MAP3K15: variants seen among roughly 807,000 people sequenced by gnomAD.
The protein encoded by MAP3K15 is mitogen-activated protein kinase kinase kinase 15.
Under a neutral mutation model 99.5 loss-of-function variants are expected in MAP3K15, and 124 were observed. The observed-to-expected ratio is 1.25, with a 90% CI of 1.08 to 1.45. The LOEUF (loss-of-function observed/expected upper bound fraction) is 1.45, where lower values mean the gene tolerates loss of function less well. MAP3K15 is among the 40% of genes most tolerant of loss of function. MAP3K15 has a pLI of 0.00. For synonymous variants in MAP3K15, 494 were observed against 439.6 expected, an observed-to-expected ratio of 1.12 and a Z score of -1.55; for missense variants, 1,242 against 1,079.7, an observed-to-expected ratio of 1.15 and a Z score of -2.11.
intron 9 of MAP3K15, among the ~76,000 whole-genome samples, chrX:19,419,392 G>C (rs1339666742): frequency 1.8e-5 from 2 of 109,095 alleles, no homozygotes; most frequent in African/African-American, 3.4e-5. Context: ...TGCAATCCTA[G>C]TCTCTGATAA....
At chrX:19,441,349 G>A (rs2063958491) in intron 6 of MAP3K15, among the ~76,000 whole-genome samples, 1 of 109,703 alleles carries the variant, frequency 9.1e-6, no homozygotes, top group Non-Finnish European at 1.9e-5. Context: ...GTGGGGTTAA[G>A]TGGTAATGGG....
intron 13 of MAP3K15, among the ~76,000 whole-genome samples, chrX:19,405,414 A>G (rs2063640829): frequency 8.9e-6 from 1 of 111,908 alleles, no homozygotes; most frequent in Non-Finnish European, 1.9e-5. Context: ...TCAAAGGACT[A>G]CCCAAAATAA....
chrX:19,505,657 G>A (rs1416366310), intron 1 of MAP3K15, among the ~76,000 whole-genome samples: 1 of 111,224 alleles, frequency 9.0e-6, no homozygotes, highest in Admixed American at 9.5e-5. Flanking sequence ...TCACCTATAT[G>A]GTAGTAAGGA....
chrX:19,416,463 T>C (rs974222227), intron 9 of MAP3K15, among the ~76,000 whole-genome samples: 2 of 112,129 alleles, frequency 1.8e-5, no homozygotes, highest in African/African-American at 6.5e-5. Context: ...CATTCTTCAT[T>C]GTATTTAGTG....
Position 19,515,443 on chromosome X carries a change from C to G in MAP3K15, c.-182G>C, listed in dbSNP as rs1310787396. The stretch of plus-strand genomic sequence containing the variant: ...CGGCGGGCCGAAGACGGCAGTACCC[C>G]TAGGCTGCAGCCTGACGCTCAGGCC... On this transcript the variant is annotated 5_prime_UTR_variant, in exon 1 of 29. Transcript: ENST00000338883. Among the ~76,000 whole-genome samples, 1 of 112,389 alleles carries G rather than the reference C, an allele frequency of 8.9e-6. No homozygotes were observed. Among genetic ancestry groups the G allele is most frequent in the Non-Finnish European group, 1.9e-5 (1 of 52,983 alleles).
chrX:19,492,644 C>T (rs1392790176), intron 1 of MAP3K15, among the ~76,000 whole-genome samples: 1 of 111,747 alleles, frequency 8.9e-6, no homozygotes, highest in East Asian at 2.8e-4. Context: ...AGGATTGCTT[C>T]CTGGACTCTT....
chrX:19,424,076 A>G (rs939957842), intron 9 of MAP3K15, among the ~76,000 whole-genome samples: 2 of 110,431 alleles, frequency 1.8e-5, no homozygotes, highest in African/African-American at 6.6e-5. Flanking sequence ...ACTCTACCCT[A>G]TGTACCTTTC....
intron 25 of MAP3K15, among the ~76,000 whole-genome samples, chrX:19,368,192 G>C (rs2063349157): frequency 1.8e-5 from 2 of 110,533 alleles, no homozygotes; most frequent in African/African-American, 6.6e-5. Flanking sequence ...GCCCAGGCTA[G>C]AGTGCAATGG....
At chrX:19,436,742 T>C (rs961810480) in intron 6 of MAP3K15, among the ~76,000 whole-genome samples, 21 of 111,600 alleles carry the variant, frequency 1.9e-4, no homozygotes, top group African/African-American at 6.8e-4. Context: ...GTGTGATGCA[T>C]TCTCAGCTCA....
intron 26 of MAP3K15, among the ~76,000 whole-genome samples, chrX:19,361,949 C>G (rs12857373): frequency 2.7e-5 from 3 of 112,117 alleles, no homozygotes; most frequent in Non-Finnish European, 5.6e-5. Flanking sequence ...CAGAGCTTAT[C>G]TAGTCCACAT....
intron 13 of MAP3K15, among the ~76,000 whole-genome samples, chrX:19,403,265 A>C (rs996327343): frequency 7.2e-5 from 8 of 111,026 alleles, no homozygotes; most frequent in African/African-American, 2.3e-4. Context: ...TGTATTTTTA[A>C]AAAAAGGCAC....
At chrX:19,364,189 G>A (rs1410106604) in intron 25 of MAP3K15, among the ~76,000 whole-genome samples, 2 of 111,971 alleles carry the variant, frequency 1.8e-5, no homozygotes, top group East Asian at 2.8e-4. Flanking sequence ...GTTAAGTAAC[G>A]CCCAGAGTCC....
chrX:19,486,624 G>A (rs971420009), intron 2 of MAP3K15, 119 bp from the exon 3 acceptor site: 2 of 289,710 alleles, frequency 6.9e-6, no homozygotes, highest in South Asian at 1.0e-4. Flanking sequence ...TCACATAAAA[G>A]CACCCACCTT....
intron 18 of MAP3K15, among the ~76,000 whole-genome samples, chrX:19,385,821 A>T (rs2063490690): frequency 9.0e-6 from 1 of 111,592 alleles, no homozygotes; most frequent in Non-Finnish European, 1.9e-5. Flanking sequence ...GGAAAAAAAA[A>T]GCTGCCTGAA....
chrX:19,367,351 G>A (rs890137360), intron 25 of MAP3K15, among the ~76,000 whole-genome samples: 4 of 110,466 alleles, frequency 3.6e-5, no homozygotes, highest in African/African-American at 9.9e-5. Flanking sequence ...GGAGGATCAG[G>A]AAAAGCAACT....
intron 14 of MAP3K15, among the ~76,000 whole-genome samples, chrX:19,399,128 T>C (rs778331681): frequency 3.6e-5 from 4 of 112,311 alleles, no homozygotes; most frequent in Non-Finnish European, 5.6e-5. Flanking sequence ...CTTCTAGGGA[T>C]GTTCATGACA....
chrX:19,468,908 GCTCT>G (rs1180590344), intron 3 of MAP3K15, among the ~76,000 whole-genome samples: 2 of 111,121 alleles, frequency 1.8e-5, no homozygotes, highest in African/African-American at 3.3e-5. Context: ...TCATGATTTG[GCTCT>G]CTGTCTGTTA....
At chrX:19,447,931 G>A (rs1402595088) in intron 6 of MAP3K15, among the ~76,000 whole-genome samples, 1 of 95,157 alleles carries the variant, frequency 1.1e-5, no homozygotes, top group East Asian at 3.4e-4. Context: ...CTGAAAGGAT[G>A]TCTCCCACCT....
intron 23 of MAP3K15, 120 bp downstream of exon 23, chrX:19,371,225 G>C: frequency 1.2e-6 from 1 of 859,752 alleles, no homozygotes; most frequent in Middle Eastern, 4.4e-4. Context: ...TTGTTTAGGA[G>C]GAGCTGCTGA....
Sources: allele counts gnomAD v4.1 joint callset (sites outside exome capture counted in the v4.1 genomes callset), GRCh38; gene constraint gnomAD v4.1.1; transcripts MANE v1.5; gene names NCBI Gene and HGNC (gene_info 2026-07-23, HGNC 2026-07-21).